The following SRGAP1 variants were observed in gnomAD, a reference collection of about 807,000 sequenced individuals.
The protein encoded by SRGAP1 is SLIT-ROBO Rho GTPase activating protein 1, also known as SLIT-ROBO Rho GTPase-activating protein 1.
In SRGAP1, 43 loss-of-function variants were observed where a neutral mutation model predicts 121.9. The ratio of observed to expected loss-of-function variants is 0.35; its 90% CI spans 0.28 to 0.46. SRGAP1 has a LOEUF of 0.46. Ranked by LOEUF, SRGAP1 falls within the 20% of genes least tolerant of loss-of-function variation. The pLI is 1.00. For synonymous variants in SRGAP1, 447 were observed against 485.4 expected, an observed-to-expected ratio of 0.92 and a Z score of 1.04; for missense variants, 1,102 against 1,350.9, an observed-to-expected ratio of 0.82 and a Z score of 2.89.
chr12:64,000,270 G>GTGTGTGTGTT (rs1345365766), intron 3 of SRGAP1, among the ~76,000 whole-genome samples: 38 of 149,176 alleles, frequency 2.5e-4, no homozygotes, highest in African/African-American at 9.2e-4. Flanking sequence ...GTGTGTGTGT[G>GTGTGTGTGTT]TGTGTAAAAA....
intron 11 of SRGAP1, among the ~76,000 whole-genome samples, chr12:64,090,675 A>G (rs1449551294): frequency 1.3e-5 from 2 of 152,138 alleles, no homozygotes; most frequent in South Asian, 4.1e-4. Context: ...CTCCGTCTCT[A>G]TAAAAAATTT....
chr12:63,911,471 G>A (rs2030499248), intron 1 of SRGAP1, among the ~76,000 whole-genome samples: 1 of 152,130 alleles, frequency 6.6e-6, no homozygotes, highest in East Asian at 1.9e-4. Context: ...TTGTGGTGGT[G>A]TTTTGTCTAG....
At chr12:64,024,344 T>C (rs1039168948) in intron 4 of SRGAP1, among the ~76,000 whole-genome samples, 2 of 152,068 alleles carry the variant, frequency 1.3e-5, no homozygotes, top group African/African-American at 4.8e-5. Flanking sequence ...GGTGGGCAGA[T>C]CACCTGAGTC....
chr12:64,034,299 T>C (rs920933878), intron 4 of SRGAP1, among the ~76,000 whole-genome samples: 5 of 152,118 alleles, frequency 3.3e-5, no homozygotes, highest in African/African-American at 1.2e-4. Flanking sequence ...TCTGGACACA[T>C]AAGACATGCC....
intron 1 of SRGAP1, among the ~76,000 whole-genome samples, chr12:63,944,352 C>G (rs543284995): frequency 6.6e-5 from 10 of 152,240 alleles, no homozygotes; most frequent in African/African-American, 2.4e-4. Flanking sequence ...AGTCCAAGAT[C>G]AAGGCAGATT....
chr12:63,865,683 G>A (rs1899603978), intron 1 of SRGAP1, among the ~76,000 whole-genome samples: 1 of 152,168 alleles, frequency 6.6e-6, no homozygotes, highest in Non-Finnish European at 1.5e-5. Context: ...AGCGTTGGTC[G>A]AGTGAAGTTC....
chr12:64,035,278 T>C (rs940486885), intron 4 of SRGAP1, among the ~76,000 whole-genome samples: 4 of 152,010 alleles, frequency 2.6e-5, no homozygotes, highest in Admixed American at 1.3e-4. Flanking sequence ...CAAAGAAGCC[T>C]GGGAATTTTT....
Position 63,855,481 on chromosome 12 carries a change from T to G in SRGAP1, c.67+10598T>G, listed in dbSNP as rs867341732. Among the ~76,000 whole-genome samples the G allele has an allele frequency of 2.2e-3, 239 of 110,562 alleles. 1 individual carries two copies. The highest frequency in any genetic ancestry group is 8.1e-3 in the African/African-American group (220 of 27,304). 72.5% of individuals were successfully genotyped at this position (110,562 alleles called of 152,430 possible). ...TCAACATGAAAAATGGTGTTTTTTT[T>G]TTTTTTTTTTTTTTTTTTTTTTTTG... On this transcript the variant is annotated intron_variant, in intron 1 of 21. Transcript: ENST00000355086.
chr12:63,846,713 C>A (rs1898913552), intron 1 of SRGAP1, among the ~76,000 whole-genome samples: 1 of 152,208 alleles, frequency 6.6e-6, no homozygotes, highest in Admixed American at 6.5e-5. Context: ...GGAGTCTTCA[C>A]TGCACCTGCC....
At chr12:63,967,345 A>G (rs2032817730) in intron 1 of SRGAP1, among the ~76,000 whole-genome samples, 1 of 152,182 alleles carries the variant, frequency 6.6e-6, no homozygotes, top group African/African-American at 2.4e-5. Flanking sequence ...GGGAGGCTGA[A>G]GAGGGAGGAT....
intron 6 of SRGAP1, among the ~76,000 whole-genome samples, chr12:64,058,151 C>A (rs1288321781): frequency 6.6e-6 from 1 of 152,218 alleles, no homozygotes; most frequent in African/African-American, 2.4e-5. Context: ...GTCCTCCATA[C>A]AGATGGTCCT....
chr12:64,081,652 A>G (rs2035843729), intron 10 of SRGAP1: 2 of 151,634 alleles, frequency 1.3e-5, no homozygotes, highest in African/African-American at 4.9e-5. Flanking sequence ...ATTAAATAAT[A>G]TTATTGAATT....
intron 1 of SRGAP1, among the ~76,000 whole-genome samples, chr12:63,969,530 A>C (rs1167890611): frequency 6.6e-6 from 1 of 152,190 alleles, no homozygotes; most frequent in East Asian, 1.9e-4. Context: ...ACAGTGGCTC[A>C]CACCTGTAAT....
intron 10 of SRGAP1, among the ~76,000 whole-genome samples, chr12:64,084,145 T>C (rs2035896979): frequency 6.6e-6 from 1 of 152,192 alleles, no homozygotes; most frequent in African/African-American, 2.4e-5. Flanking sequence ...TTTTAAAATA[T>C]CAAATTGCCA....
intron 1 of SRGAP1, among the ~76,000 whole-genome samples, chr12:63,939,472 A>C (rs1461260270): frequency 6.6e-6 from 1 of 152,164 alleles, no homozygotes; most frequent in African/African-American, 2.4e-5. Flanking sequence ...CAAAAGAACA[A>C]AAATATTAAA....
At chr12:64,086,189 C>T (rs577986814) in intron 10 of SRGAP1, among the ~76,000 whole-genome samples, 21 of 152,314 alleles carry the variant, frequency 1.4e-4, no homozygotes, top group African/African-American at 5.1e-4. Context: ...GTTTCAGGAC[C>T]ATGTCATTAT....
In SRGAP1 at chr12:64,147,882, TC is replaced by T; in HGVS notation, c.*5212del. ...ATGTGCATCTCTGTGGTGTCTTTGT[TC>T]CTTTCCTTTCATTCATCACTACTTT... On this transcript the variant is annotated 3_prime_UTR_variant, in exon 22 of 22. Transcript: ENST00000355086. 1 of 391,086 alleles carries T rather than the reference TC, an allele frequency of 2.6e-6. No individual in the cohort carries two copies. The highest frequency in any genetic ancestry group is 4.5e-6 in the Non-Finnish European group (1 of 221,892). The allele number at this position is 391,086 out of a possible 1,614,324, so 24.2% of individuals were successfully genotyped here. A position where few individuals can be genotyped will look rare whatever the true frequency, so the allele number is the denominator to read the frequency against.
chr12:64,152,927 A>AC lies in SRGAP1; in HGVS notation c.*10255_*10256insC, dbSNP rs2037132936. 1 of 151,564 alleles carries AC rather than the reference A, an allele frequency of 6.6e-6. No homozygotes were observed. The highest frequency in any genetic ancestry group is 2.1e-4 in the South Asian group (1 of 4,802). 9.4% of individuals were successfully genotyped at this position (151,564 alleles called of 1,614,324 possible). A position where few individuals can be genotyped will look rare whatever the true frequency, so the allele number is the denominator to read the frequency against. On this transcript the variant is annotated 3_prime_UTR_variant, in exon 22 of 22. Coordinates refer to ENST00000355086, the MANE Select transcript of SRGAP1 (RefSeq NM_020762.4). ...GGTATGATTTAAAAAAAAAAAAAAA[A>AC]AAAAAAAAACCACTACATAAGCCAA...
chr12:63,941,592 G>A (rs533940297), intron 1 of SRGAP1, among the ~76,000 whole-genome samples: 8 of 151,250 alleles, frequency 5.3e-5, no homozygotes, highest in African/African-American at 1.9e-4. Flanking sequence ...ACAGTAAAAT[G>A]TGTGAACATT....
Sources: allele counts gnomAD v4.1 joint callset (sites outside exome capture counted in the v4.1 genomes callset), GRCh38; gene constraint gnomAD v4.1.1; transcripts MANE v1.5; gene names NCBI Gene and HGNC (gene_info 2026-07-23, HGNC 2026-07-21).